SCOC: variants seen among roughly 807,000 people sequenced by gnomAD.
The protein encoded by SCOC is short coiled-coil protein, also known as short coiled coil protein.
SCOC carries 7 observed loss-of-function variants against 9.9 expected under a neutral mutation model. The ratio of observed to expected loss-of-function variants is 0.71; its 90% CI spans 0.40 to 1.33. The LOEUF is 1.33. SCOC is among the 40% of genes most tolerant of loss of function. The pLI, the probability that SCOC is intolerant of heterozygous loss-of-function variation, is 0.01. For synonymous variants in SCOC, 19 were observed against 28.2 expected (o/e 0.67, Z 1.03); for missense variants, 66 against 89.7 (o/e 0.74, Z 1.07).
intron 2 of SCOC, among the ~76,000 whole-genome samples, chr4:140,364,260 A>C (rs1417961057): frequency 2.6e-5 from 4 of 152,166 alleles, no homozygotes; most frequent in Admixed American, 1.3e-4. Context: ...AGGAAGGCGA[A>C]GGATGTAAAC....
intron 2 of SCOC, chr4:140,366,516 T>G: frequency 6.4e-7 from 1 of 1,564,920 alleles, no homozygotes. Context: ...TGTTCCTCAT[T>G]GCCTTCATAA....
chr4:140,294,998 C>T (rs993290470), intron 1 of SCOC, among the ~76,000 whole-genome samples: 31 of 152,300 alleles, frequency 2.0e-4, no homozygotes, highest in African/African-American at 7.5e-4. Context: ...CAGCAATCAG[C>T]TGGTATACAG....
chr4:140,308,624 A>AGC (rs1272833001), intron 1 of SCOC, among the ~76,000 whole-genome samples: 1 of 152,198 alleles, frequency 6.6e-6, no homozygotes, highest in African/African-American at 2.4e-5. Flanking sequence ...GGCAGCCTGC[A>AGC]GCTTGCCGGC....
chr4:140,357,394 T>C (rs1335564943), intron 2 of SCOC, among the ~76,000 whole-genome samples: 1 of 152,228 alleles, frequency 6.6e-6, no homozygotes, highest in Non-Finnish European at 1.5e-5. Flanking sequence ...CTTCAAATTT[T>C]TCACCAGTAG....
At chr4:140,330,976 G>A (rs1327809238) in intron 1 of SCOC, among the ~76,000 whole-genome samples, 1 of 152,168 alleles carries the variant, frequency 6.6e-6, no homozygotes, top group Non-Finnish European at 1.5e-5. Flanking sequence ...GCATACCTGG[G>A]AGGTTTAGGG....
At position 140,373,653 on chromosome 4, in the gene SCOC, G is replaced by A; in HGVS notation, c.-115G>A. The A allele has an allele frequency of 1.3e-6, 2 of 1,551,516 alleles. No homozygotes were observed. Among genetic ancestry groups the A allele is most frequent in the South Asian group, 1.2e-5 (1 of 84,062 alleles). ...GTGGGCGGAGCTGCCGGGGTCAGTTGGTCCAAGTGTCCCGGCCTGAGGTGT... is the reference window on the plus strand; with the variant it reads ...GTGGGCGGAGCTGCCGGGGTCAGTTAGTCCAAGTGTCCCGGCCTGAGGTGT... On this transcript the variant is annotated 5_prime_UTR_variant, in exon 1 of 4. Coordinates refer to ENST00000608372, the MANE Select transcript of SCOC (RefSeq NM_001153484.2).
intron 2 of SCOC, among the ~76,000 whole-genome samples, chr4:140,347,975 A>G (rs1318730889): frequency 6.6e-6 from 1 of 152,206 alleles, no homozygotes; most frequent in Non-Finnish European, 1.5e-5. Context: ...CTCTTGGACT[A>G]GATTTCATTT....
intron 2 of SCOC, chr4:140,366,123 T>C (rs1473178744): frequency 4.9e-6 from 2 of 411,790 alleles, no homozygotes; most frequent in East Asian, 3.8e-5. Context: ...TAAAAATCCA[T>C]GAGCAGCCTA....
chr4:140,351,223 A>T (rs796086064), intron 2 of SCOC, among the ~76,000 whole-genome samples: 25 of 151,420 alleles, frequency 1.7e-4, no homozygotes, highest in African/African-American at 5.1e-4. Context: ...AGGCTCTGAG[A>T]TTTGGCCACA....
At chr4:140,275,547 G>A (rs192169810) in intron 1 of SCOC, among the ~76,000 whole-genome samples, 1 of 152,284 alleles carries the variant, frequency 6.6e-6, no homozygotes, top group East Asian at 1.9e-4. Flanking sequence ...GACAAGTAAC[G>A]TTTAGTAAGC....
intron 2 of SCOC, among the ~76,000 whole-genome samples, chr4:140,363,293 G>T (rs1727652397): frequency 6.6e-6 from 1 of 152,170 alleles, no homozygotes; most frequent in Admixed American, 6.5e-5. Context: ...GCTTGTAAGT[G>T]CAGCTGACCT....
intron 1 of SCOC, among the ~76,000 whole-genome samples, chr4:140,274,995 C>A (rs757769400): frequency 1.4e-4 from 22 of 152,158 alleles, no homozygotes; most frequent in Non-Finnish European, 2.6e-4. Flanking sequence ...ATTTTATCTT[C>A]CCCATCTCTG....
chr4:140,382,528 C>G lies in SCOC; in HGVS notation c.*1424C>G, dbSNP rs1003078138. 1.3e-5 allele frequency: 2 copies of G among 152,474 alleles called. No individual in the cohort carries two copies. The highest frequency in any genetic ancestry group is 4.8e-5 in the African/African-American group (2 of 41,374). 9.4% of individuals were successfully genotyped at this position (152,474 alleles called of 1,614,324 possible). A position where few individuals can be genotyped will look rare whatever the true frequency, so the allele number is the denominator to read the frequency against. ...AAATTGTGTTGCAGTTCTGCTTTGC[C>G]GTTTAATAAAAAGCTATTTCAGAGG... is the stretch of plus-strand genomic sequence containing the variant. On this transcript the variant is annotated 3_prime_UTR_variant, in exon 4 of 4. Transcript: ENST00000608372.
intron 1 of SCOC, among the ~76,000 whole-genome samples, chr4:140,326,183 G>T (rs147519725): frequency 6.6e-6 from 1 of 152,266 alleles, no homozygotes; most frequent in East Asian, 1.9e-4. Context: ...TGAGGGAAAC[G>T]GGAGAGGTTT....
chr4:140,347,738 A>AT (rs550514424), intron 2 of SCOC, among the ~76,000 whole-genome samples: 1 of 152,088 alleles, frequency 6.6e-6, no homozygotes, highest in African/African-American at 2.4e-5. Flanking sequence ...GTATATCATA[A>AT]TTTTTTTCCC....
At position 140,266,526 on chromosome 4, in the gene SCOC, C is replaced by A. The variant is rs532499586; in HGVS notation, c.-19+9116C>A. 3.9e-5 allele frequency among the ~76,000 whole-genome samples: 6 copies of A among 152,234 alleles called. No homozygotes were observed. In the South Asian group the frequency reaches 1.2e-3, roughly 32 times the overall value. ...TTACCTAATTATCTCCCAAAGGCTC[C>A]ATTTCCTAATGCCATCACATTGGGG... On this transcript the variant is annotated intron_variant, in intron 1 of 4. Transcript: ENST00000394205.
intron 2 of SCOC, among the ~76,000 whole-genome samples, chr4:140,367,385 T>G (rs1727849877): frequency 6.6e-6 from 1 of 152,094 alleles, no homozygotes. Context: ...TAAAGCCAGA[T>G]TATTTTTTTT....
chr4:140,257,967 G>A (rs1730547524), intron 1 of SCOC, among the ~76,000 whole-genome samples: 1 of 152,228 alleles, frequency 6.6e-6, no homozygotes, highest in African/African-American at 2.4e-5. Flanking sequence ...CAAGCTGGCA[G>A]AAACTCCAAT....
intron 2 of SCOC, among the ~76,000 whole-genome samples, chr4:140,355,226 T>TGATATATATATATATATATATG (rs9308116): frequency 1.6e-5 from 2 of 122,124 alleles, no homozygotes; most frequent in African/African-American, 3.5e-5. Context: ...TATATATATA[T>TGATATATATATATATATATATG]ATATATATAT....
Sources: gnomAD v4.1 joint callset for allele counts (sites outside exome capture counted in the v4.1 genomes callset) on GRCh38, gnomAD v4.1.1 for gene constraint, MANE v1.5 for transcripts, NCBI Gene and HGNC (gene_info 2026-07-23, HGNC 2026-07-21) for gene names.